CTNND2: variants seen among roughly 807,000 people sequenced by gnomAD.
The protein encoded by CTNND2 is catenin delta 2.
CTNND2 carries 22 observed loss-of-function variants against 144.4 expected under a neutral mutation model. That is an observed-to-expected ratio of 0.15 (90% confidence interval 0.11 to 0.22). The LOEUF (loss-of-function observed/expected upper bound fraction) is 0.22. Ranked by LOEUF, CTNND2 falls within the 10% of genes least tolerant of loss-of-function variation. CTNND2 has a pLI of 1.00. For missense variants in CTNND2, 1,353 were observed against 1,618.8 expected, an observed-to-expected ratio of 0.84 and a Z score of 2.82; for synonymous variants, 751 against 695.6, an observed-to-expected ratio of 1.08 and a Z score of -1.25.
intron 16 of CTNND2, among the ~76,000 whole-genome samples, chr5:11,082,493 G>A (rs761935542): frequency 5.3e-5 from 8 of 152,174 alleles, no homozygotes; most frequent in Non-Finnish European, 1.0e-4. Context: ...AAATGTCAAC[G>A]AGCATCACAT....
intron 1 of CTNND2, among the ~76,000 whole-genome samples, chr5:11,873,775 C>T (rs960082113): frequency 3.3e-5 from 5 of 152,182 alleles, no homozygotes; most frequent in African/African-American, 1.2e-4. Context: ...CCCTTTGACA[C>T]CTGCCCAAGG....
At chr5:11,511,934 A>C (rs565049404) in intron 3 of CTNND2, among the ~76,000 whole-genome samples, 1 of 152,200 alleles carries the variant, frequency 6.6e-6, no homozygotes, top group African/African-American at 2.4e-5. Context: ...TTTTCAGCTA[A>C]AAATCATTAG....
chr5:11,739,340 AGAC>A (rs1484878429), intron 1 of CTNND2, among the ~76,000 whole-genome samples: 1 of 152,174 alleles, frequency 6.6e-6, no homozygotes, highest in Admixed American at 6.5e-5. Flanking sequence ...CAGTGAGAGG[AGAC>A]CAGGTGAGTC....
chr5:11,120,263 A>G (rs1209234975), intron 12 of CTNND2, among the ~76,000 whole-genome samples: 1 of 151,950 alleles, frequency 6.6e-6, no homozygotes, highest in Non-Finnish European at 1.5e-5. Flanking sequence ...TGCTGTCTGC[A>G]GGGGTGATGA....
At chr5:11,442,398 T>C (rs2149894901) in intron 3 of CTNND2, among the ~76,000 whole-genome samples, 1 of 152,306 alleles carries the variant, frequency 6.6e-6, no homozygotes, top group Admixed American at 6.5e-5. Context: ...TGGTTCAGTA[T>C]TATGAAAATA....
chr5:11,515,608 C>T (rs9312776), intron 3 of CTNND2, among the ~76,000 whole-genome samples: 13,358 of 152,158 alleles, frequency 0.088, 698 homozygotes, highest in African/African-American at 0.14. Context: ...AAGCAAATCA[C>T]GAAGTATGCA....
At chr5:11,312,138 TCCC>T (rs1248549732) in intron 9 of CTNND2, among the ~76,000 whole-genome samples, 5 of 53,832 alleles carry the variant, frequency 9.3e-5, no homozygotes, top group Non-Finnish European at 1.9e-4. Flanking sequence ...ATACATCCTC[TCCC>T]CCACCACACA....
intron 9 of CTNND2, among the ~76,000 whole-genome samples, chr5:11,293,763 C>G (rs1347964948): frequency 6.9e-6 from 1 of 145,894 alleles, no homozygotes; most frequent in African/African-American, 2.5e-5. Flanking sequence ...TAAGCATTAA[C>G]CACAGGCAAA....
At position 11,418,133 on chromosome 5, in the gene CTNND2, G is replaced by A. The variant is rs569462544; in HGVS notation, c.288-6064C>T. Among the ~76,000 whole-genome samples, 117 of 152,162 alleles carry A rather than the reference G, an allele frequency of 7.7e-4. No homozygotes were observed. In the South Asian group the frequency reaches 0.013, roughly 17 times the overall value. On this transcript the variant is annotated intron_variant, in intron 3 of 21. Transcript: ENST00000304623. ...TGAAAAGAGCTCTTTTGGGCCGGGC[G>A]TGGTGGCTCACTCCTATAATCCCAG...
chr5:11,133,249 T>C (rs1238188478), intron 12 of CTNND2, among the ~76,000 whole-genome samples: 1 of 152,106 alleles, frequency 6.6e-6, no homozygotes, highest in East Asian at 1.9e-4. Flanking sequence ...GAAAGGGAAA[T>C]ATTAGCACAG....
At chr5:11,108,728 T>C (rs546287217) in intron 14 of CTNND2, among the ~76,000 whole-genome samples, 12 of 152,324 alleles carry the variant, frequency 7.9e-5, no homozygotes, top group Non-Finnish European at 1.3e-4. Context: ...AGTGGCCCTC[T>C]GCCCATGGTC....
intron 13 of CTNND2, among the ~76,000 whole-genome samples, chr5:11,116,738 A>G (rs1426618542): frequency 6.6e-6 from 1 of 152,214 alleles, no homozygotes. Flanking sequence ...GTTGTTAAAA[A>G]GCAAGTTTAT....
intron 1 of CTNND2, among the ~76,000 whole-genome samples, chr5:11,860,508 T>C (rs1318639273): frequency 2.0e-5 from 3 of 152,334 alleles, no homozygotes; most frequent in African/African-American, 7.2e-5. Flanking sequence ...CAGGTAATTA[T>C]AGCTAAGATT....
At chr5:11,409,271 A>T (rs1422387016) in intron 5 of CTNND2, among the ~76,000 whole-genome samples, 1 of 151,958 alleles carries the variant, frequency 6.6e-6, no homozygotes, top group Non-Finnish European at 1.5e-5. Context: ...GTAGATTTTT[A>T]TCCAAGAATA....
At chr5:11,666,245 A>G (rs1783563903) in intron 2 of CTNND2, among the ~76,000 whole-genome samples, 1 of 152,192 alleles carries the variant, frequency 6.6e-6, no homozygotes, top group South Asian at 2.1e-4. Context: ...TTGGACTCTC[A>G]TAGGATTGTC....
chr5:11,779,527 G>C (rs1264317353), intron 1 of CTNND2, among the ~76,000 whole-genome samples: 1 of 152,156 alleles, frequency 6.6e-6, no homozygotes, highest in Non-Finnish European at 1.5e-5. Flanking sequence ...AGTTCCAAAT[G>C]TAACATGGGT....
At chr5:11,259,224 A>C (rs1744598580) in intron 9 of CTNND2, among the ~76,000 whole-genome samples, 1 of 152,148 alleles carries the variant, frequency 6.6e-6, no homozygotes, top group Admixed American at 6.5e-5. Context: ...TAACTCCCAC[A>C]AATGCATGAG....
intron 3 of CTNND2, among the ~76,000 whole-genome samples, chr5:11,458,444 T>C (rs186901606): frequency 6.6e-6 from 1 of 152,180 alleles, no homozygotes; most frequent in Non-Finnish European, 1.5e-5. Flanking sequence ...GAATGAGTTG[T>C]CCAAAGTCCA....
chr5:11,216,658 G>T (rs1457864670), intron 10 of CTNND2, among the ~76,000 whole-genome samples: 3 of 152,230 alleles, frequency 2.0e-5, no homozygotes, highest in Non-Finnish European at 4.4e-5. Context: ...GATAGTAAGT[G>T]TATGTCGTAT....
Sources: allele counts gnomAD v4.1 joint callset (sites outside exome capture counted in the v4.1 genomes callset), GRCh38; gene constraint gnomAD v4.1.1; transcripts MANE v1.5; gene names NCBI Gene and HGNC (gene_info 2026-07-23, HGNC 2026-07-21).